Variants in CNTNAP2 observed in about 807,000 individuals in gnomAD.
The protein encoded by CNTNAP2 is contactin-associated protein-like 2.
Under a neutral mutation model 155.2 loss-of-function variants are expected in CNTNAP2, and 98 were observed. The ratio of observed to expected loss-of-function variants is 0.63; its 90% CI spans 0.54 to 0.75. The LOEUF (loss-of-function observed/expected upper bound fraction) is 0.75. Among genes scored for constraint, CNTNAP2 ranks in the 30% least tolerant of loss-of-function variants. The pLI is 0.00. For synonymous variants in CNTNAP2, 651 were observed against 631.2 expected (o/e 1.03, Z -0.47); for missense variants, 1,727 against 1,688.1 (o/e 1.02, Z -0.40).
At chr7:146,862,140 T>C (rs1795114398) in intron 3 of CNTNAP2, among the ~76,000 whole-genome samples, 1 of 152,178 alleles carries the variant, frequency 6.6e-6, no homozygotes, top group Non-Finnish European at 1.5e-5. Context: ...TGCAGGACTT[T>C]TTCCACCTGC....
chr7:146,530,019 C>A (rs530310597), intron 1 of CNTNAP2, among the ~76,000 whole-genome samples: 86 of 151,378 alleles, frequency 5.7e-4, no homozygotes, highest in African/African-American at 1.9e-3. Flanking sequence ...AGGCATTTCT[C>A]TGCAAAAGGG....
intron 13 of CNTNAP2, among the ~76,000 whole-genome samples, chr7:147,882,462 GC>G (rs1309584541): frequency 1.3e-5 from 2 of 152,192 alleles, no homozygotes; most frequent in East Asian, 1.9e-4. Context: ...GTGGTGCTCA[GC>G]CCCCTGCCTC....
intron 3 of CNTNAP2, among the ~76,000 whole-genome samples, chr7:146,924,179 T>C (rs1450281404): frequency 3.3e-5 from 5 of 152,278 alleles, no homozygotes; most frequent in Non-Finnish European, 1.5e-5. Flanking sequence ...CACTCAGGCC[T>C]TGTCAGGTTT....
At chr7:147,724,316 A>T (rs542720543) in intron 13 of CNTNAP2, among the ~76,000 whole-genome samples, 1 of 152,154 alleles carries the variant, frequency 6.6e-6, no homozygotes, top group African/African-American at 2.4e-5. Context: ...AGAGTCCTAG[A>T]GGAATTATTA....
intron 2 of CNTNAP2, among the ~76,000 whole-genome samples, chr7:146,837,604 T>C (rs576235283): frequency 1.2e-4 from 18 of 152,200 alleles, no homozygotes; most frequent in Non-Finnish European, 2.1e-4. Context: ...CTTGTCCAAA[T>C]GTCTAGTATA....
intron 3 of CNTNAP2, among the ~76,000 whole-genome samples, chr7:146,933,611 T>C (rs1304824819): frequency 1.4e-5 from 2 of 146,562 alleles, no homozygotes; most frequent in Non-Finnish European, 3.0e-5. Flanking sequence ...ACTAAAGAGC[T>C]TCTGCACAGC....
intron 1 of CNTNAP2, among the ~76,000 whole-genome samples, chr7:146,770,844 T>G (rs1323307412): frequency 6.6e-6 from 1 of 152,158 alleles, no homozygotes; most frequent in Non-Finnish European, 1.5e-5. Context: ...TTTAATCAGT[T>G]ATCAACTTAG....
chr7:147,201,185 C>A (rs1332675749), intron 8 of CNTNAP2, among the ~76,000 whole-genome samples: 6 of 152,172 alleles, frequency 3.9e-5, no homozygotes, highest in African/African-American at 1.4e-4. Context: ...TGGAGGCCTA[C>A]TCTATATCTA....
chr7:146,839,563 C>T (rs1803679177), intron 2 of CNTNAP2, 148 bp from the exon 3 acceptor site: 4 of 800,052 alleles, frequency 5.0e-6, no homozygotes, highest in Non-Finnish European at 8.2e-6. Context: ...GTTGAAGTCC[C>T]AATGGCATCT....
intron 1 of CNTNAP2, among the ~76,000 whole-genome samples, chr7:146,769,452 TA>T (rs1802255567): frequency 6.6e-6 from 1 of 152,156 alleles, no homozygotes; most frequent in Non-Finnish European, 1.5e-5. Flanking sequence ...CAGTTGGAAA[TA>T]AAAATGGATA....
At chr7:146,986,570 G>A (rs542908149) in intron 3 of CNTNAP2, among the ~76,000 whole-genome samples, 30 of 152,244 alleles carry the variant, frequency 2.0e-4, no homozygotes, top group African/African-American at 7.2e-4. Context: ...ATTATTCAAG[G>A]AATCTCCTCA....
chr7:147,123,915 A>G (rs1801172039), intron 6 of CNTNAP2, among the ~76,000 whole-genome samples: 4 of 152,110 alleles, frequency 2.6e-5, no homozygotes, highest in Admixed American at 2.0e-4. Flanking sequence ...GGTGGCAGGC[A>G]TCTGTAATCC....
Position 147,550,749 on chromosome 7 carries a change from C to T in CNTNAP2, c.1778-11389C>T, listed in dbSNP as rs191920033. ...AGAGCTGGGCCAGCACCTTCTGAAA[C>T]GATCTTGTTCCCCAAATAACCACAA... On this transcript the variant is annotated intron_variant, in intron 11 of 23. Transcript: ENST00000361727. 1.2e-4 allele frequency among the ~76,000 whole-genome samples: 19 copies of T among 152,202 alleles called. No individual in the cohort carries two copies. The East Asian group carries it at 1.9e-3, about 15-fold the overall frequency.
At chr7:147,093,687 A>G (rs1202277761) in intron 4 of CNTNAP2, among the ~76,000 whole-genome samples, 1 of 152,160 alleles carries the variant, frequency 6.6e-6, no homozygotes, top group Non-Finnish European at 1.5e-5. Flanking sequence ...CAATAGCCCC[A>G]ACAGTCTTAA....
At chr7:146,313,839 G>A (rs1022604868) in intron 1 of CNTNAP2, among the ~76,000 whole-genome samples, 1 of 151,928 alleles carries the variant, frequency 6.6e-6, no homozygotes, top group African/African-American at 2.4e-5. Context: ...TCTCTACTAA[G>A]AACACAAAAA....
At chr7:147,399,113 T>A (rs1259136069) in intron 10 of CNTNAP2, among the ~76,000 whole-genome samples, 2 of 152,066 alleles carry the variant, frequency 1.3e-5, no homozygotes, top group Non-Finnish European at 2.9e-5. Flanking sequence ...ACTTGCATGA[T>A]CCAGGATCAG....
At chr7:146,914,858 T>G (rs1313929828) in intron 3 of CNTNAP2, among the ~76,000 whole-genome samples, 1 of 152,024 alleles carries the variant, frequency 6.6e-6, no homozygotes, top group Non-Finnish European at 1.5e-5. Context: ...TTTTTTGCAT[T>G]TTCTTTTGGG....
chr7:147,349,401 T>C (rs535947391), intron 9 of CNTNAP2, among the ~76,000 whole-genome samples: 1 of 152,088 alleles, frequency 6.6e-6, no homozygotes, highest in African/African-American at 2.4e-5. Context: ...TCTAAAAATA[T>C]ACTTTTCATA....
chr7:147,293,854 A>C (rs1805363294), intron 8 of CNTNAP2, among the ~76,000 whole-genome samples: 1 of 152,212 alleles, frequency 6.6e-6, no homozygotes, highest in Non-Finnish European at 1.5e-5. Context: ...TGTTTCTAAC[A>C]ATTATAAGTT....
Sources: allele counts gnomAD v4.1 joint callset (sites outside exome capture counted in the v4.1 genomes callset), GRCh38; gene constraint gnomAD v4.1.1; transcripts MANE v1.5; gene names NCBI Gene and HGNC (gene_info 2026-07-23, HGNC 2026-07-21).